The following SUMF2 variants were observed in gnomAD, a reference collection of about 807,000 sequenced individuals.
The protein encoded by SUMF2 is sulfatase modifying factor 2.
SUMF2 carries 45 observed loss-of-function variants against 44.8 expected under a neutral mutation model. That is an observed-to-expected ratio of 1.00 (90% confidence interval 0.79 to 1.29). SUMF2 has a LOEUF of 1.29. Ranked by LOEUF, SUMF2 falls within the 50% of genes most tolerant of loss-of-function variation. The pLI, the probability that SUMF2 is intolerant of heterozygous loss-of-function variation, is 0.00. For synonymous variants in SUMF2, 148 were observed against 150.4 expected, an observed-to-expected ratio of 0.98 and a Z score of 0.12; for missense variants, 418 against 389.9, an observed-to-expected ratio of 1.07 and a Z score of -0.61.
downstream of SUMF2, chr7:56,082,252 C>A (rs1796040188): frequency 6.2e-7 from 1 of 1,612,054 alleles, no homozygotes; most frequent in Admixed American, 1.7e-5. Context: ...TCCCGCAGAC[C>A]TCTGCAGGAA....
At chr7:56,070,986 G>C (rs1484978901) in intron 2 of SUMF2, among the ~76,000 whole-genome samples, 1 of 152,202 alleles carries the variant, frequency 6.6e-6, no homozygotes, top group Admixed American at 6.5e-5. Context: ...CTGGTCCGTG[G>C]TTGGTGAGTT....
At chr7:56,068,700 CTTT>C (rs878935853) in intron 2 of SUMF2, 62 bp downstream of exon 2, 488 of 1,287,142 alleles carry the variant, frequency 3.8e-4, no homozygotes, top group Admixed American at 4.8e-4. Context: ...TTTTTTCTTT[CTTT>C]TTTTTTTTTT....
At chr7:56,074,059 A>T in intron 3 of SUMF2, 115 bp from the exon 4 acceptor site, 1 of 778,672 alleles carries the variant, frequency 1.3e-6, no homozygotes. Flanking sequence ...CCACAACCTC[A>T]CTTAGACCAC....
intron 8 of SUMF2, chr7:56,079,022 A>C (rs186963977): frequency 1.7e-6 from 1 of 601,188 alleles, no homozygotes; most frequent in African/African-American, 1.9e-5. Flanking sequence ...TCAGCTCCTC[A>C]AGTATCTGGG....
chr7:56,086,118 TC>T, the SUMF2 span, among the ~76,000 whole-genome samples: 8 of 151,488 alleles, frequency 5.3e-5, no homozygotes, highest in Non-Finnish European at 1.2e-4. Flanking sequence ...TTGGGTCACT[TC>T]CTGGACATGC....
intron 1 of SUMF2, among the ~76,000 whole-genome samples, chr7:56,065,758 G>A (rs1292577467): frequency 6.6e-6 from 1 of 151,872 alleles, no homozygotes; most frequent in Non-Finnish European, 1.5e-5. Context: ...AGGATGATCC[G>A]TTTTTTCCCT....
downstream of SUMF2, chr7:56,083,281 G>T (rs754716352): frequency 4.3e-6 from 7 of 1,613,618 alleles, no homozygotes; most frequent in Admixed American, 1.7e-5. Context: ...ACCAGACCTC[G>T]CAGCCTCTCT....
intron 3 of SUMF2, chr7:56,073,966 G>A (rs1283962313): frequency 1.7e-6 from 1 of 584,462 alleles, no homozygotes; most frequent in African/African-American, 2.1e-5. Flanking sequence ...AGTGAGCTCT[G>A]ATGGTGCCAC....
chr7:56,083,702 C>A (rs1796130963), downstream of SUMF2: 1 of 1,579,138 alleles, frequency 6.3e-7, no homozygotes, highest in Non-Finnish European at 8.6e-7. Context: ...TCAAAGAGCT[C>A]CCCTCTCTTC....
downstream of SUMF2, chr7:56,083,444 A>T (rs1331827191): frequency 6.2e-7 from 1 of 1,614,030 alleles, no homozygotes; most frequent in South Asian, 1.1e-5. Flanking sequence ...TGATCTTTCT[A>T]GGGTGGGGCA....
At chr7:56,076,735 T>C in intron 5 of SUMF2, 99 bp from the exon 6 acceptor site, 1 of 1,155,874 alleles carries the variant, frequency 8.7e-7, no homozygotes, top group Middle Eastern at 2.0e-4. Context: ...CTCATCACCC[T>C]CTAACTTCCT....
At chr7:56,082,917 C>T (rs1046202759), downstream of SUMF2, among the ~76,000 whole-genome samples, 15 of 152,058 alleles carry the variant, frequency 9.9e-5, no homozygotes, top group African/African-American at 3.6e-4. Context: ...ACCAGCCTGA[C>T]CAACATGGTG....
At chr7:56,068,459 G>A (rs966659056) in intron 1 of SUMF2, 23 bp from the exon 2 acceptor site, 11 of 1,596,986 alleles carry the variant, frequency 6.9e-6, no homozygotes, top group Admixed American at 1.8e-5. Flanking sequence ...TGTATTACTG[G>A]TAACTCTCTT....
chr7:56,086,912 A>T, the SUMF2 span: 1 of 1,321,924 alleles, frequency 7.6e-7, no homozygotes, highest in South Asian at 1.2e-5. Flanking sequence ...GGGGTTGGGG[A>T]GGGGACAGCA....
At position 56,068,798 on chromosome 7, in the gene SUMF2, G is replaced by T. The variant is rs529280563; in HGVS notation, c.224+160G>T. Reference sequence around the variant, plus strand: ...GCTCACTGCAACCTCCACCTCCCGGGTTCAAGCAATTCTCCTGCCTTCGCC... The same window carrying T: ...GCTCACTGCAACCTCCACCTCCCGGTTTCAAGCAATTCTCCTGCCTTCGCC... On this transcript the variant is annotated intron_variant, in intron 2 of 8. Coordinates refer to ENST00000434526, the MANE Select transcript of SUMF2 (RefSeq NM_015411.4). 17 of 784,784 alleles carry T rather than the reference G, an allele frequency of 2.2e-5. No individual in the cohort carries two copies. The African/African-American group carries it at 2.5e-4, about 12-fold the overall frequency. The allele number at this position is 784,784 out of a possible 1,614,324, so 48.6% of individuals were successfully genotyped here.
chr7:56,067,761 T>C (rs546207844), intron 1 of SUMF2, among the ~76,000 whole-genome samples: 1 of 151,582 alleles, frequency 6.6e-6, no homozygotes, highest in Non-Finnish European at 1.5e-5. Context: ...GGTGTGGTGG[T>C]GCACACTTGT....
chr7:56,087,333 T>C, the SUMF2 span, among the ~76,000 whole-genome samples: 1 of 151,940 alleles, frequency 6.6e-6, no homozygotes, highest in Non-Finnish European at 1.5e-5. Flanking sequence ...GTGATGCTCC[T>C]GCTTCAGCCT....
chr7:56,073,941 G>GGAGGTT (rs1241787329), intron 3 of SUMF2: 1 of 575,506 alleles, frequency 1.7e-6, no homozygotes, highest in Non-Finnish European at 3.1e-6. Flanking sequence ...CCTGAGTCCA[G>GGAGGTT]GAGGTTGAGA....
downstream of SUMF2, chr7:56,082,069 C>T (rs755611668): frequency 6.2e-7 from 1 of 1,609,484 alleles, no homozygotes; most frequent in Admixed American, 1.7e-5. Context: ...GGGCCCAGGG[C>T]CACTTACCCA....
Sources: allele counts gnomAD v4.1 joint callset (sites outside exome capture counted in the v4.1 genomes callset), GRCh38; gene constraint gnomAD v4.1.1; transcripts MANE v1.5; gene names NCBI Gene and HGNC (gene_info 2026-07-23, HGNC 2026-07-21).